Variants in CDH13 observed in about 807,000 individuals in gnomAD.
The protein encoded by CDH13 is cadherin 13.
In CDH13, 24 loss-of-function variants were observed where a neutral mutation model predicts 63.8. The ratio of observed to expected loss-of-function variants is 0.38; its 90% CI spans 0.27 to 0.53. CDH13 has a LOEUF of 0.53. CDH13 is among the 20% of genes least tolerant of loss of function. CDH13 has a pLI of 0.85. For missense variants in CDH13, 1,049 were observed against 903.1 expected, an observed-to-expected ratio of 1.16 and a Z score of -2.07; for synonymous variants, 503 against 355.3, an observed-to-expected ratio of 1.42 and a Z score of -4.67.
intron 4 of CDH13, among the ~76,000 whole-genome samples, chr16:83,135,600 A>C (rs947685086): frequency 6.6e-6 from 1 of 152,202 alleles, no homozygotes; most frequent in Admixed American, 6.5e-5. Context: ...TTAAGCCACT[A>C]TGGAAAACAG....
intron 5 of CDH13, among the ~76,000 whole-genome samples, chr16:83,343,706 A>G (rs1012524942): frequency 6.6e-6 from 1 of 152,186 alleles, no homozygotes; most frequent in Admixed American, 6.5e-5. Flanking sequence ...TATTCTTGAG[A>G]CATATTATAT....
At chr16:83,662,738 C>T (rs1913555016) in intron 8 of CDH13, among the ~76,000 whole-genome samples, 1 of 152,168 alleles carries the variant, frequency 6.6e-6, no homozygotes, top group Non-Finnish European at 1.5e-5. Context: ...GACCACTCAC[C>T]TGATGAGATC....
chr16:83,063,287 G>C (rs1366032027), intron 3 of CDH13, among the ~76,000 whole-genome samples: 1 of 152,114 alleles, frequency 6.6e-6, no homozygotes, highest in Non-Finnish European at 1.5e-5. Context: ...AAAGGGAGCA[G>C]GTCAACCATA....
intron 10 of CDH13, among the ~76,000 whole-genome samples, chr16:83,691,562 C>T (rs1051947279): frequency 3.3e-5 from 5 of 152,164 alleles, no homozygotes; most frequent in South Asian, 4.2e-4. Flanking sequence ...GGCTCACACC[C>T]ACCTGGCACT....
At chr16:83,510,195 G>T (rs1000283622) in intron 7 of CDH13, among the ~76,000 whole-genome samples, 1 of 152,114 alleles carries the variant, frequency 6.6e-6, no homozygotes, top group Non-Finnish European at 1.5e-5. Flanking sequence ...TATTATTTTC[G>T]AGTGGATAAA....
intron 2 of CDH13, among the ~76,000 whole-genome samples, chr16:82,898,414 A>G (rs1180829197): frequency 6.6e-6 from 1 of 152,172 alleles, no homozygotes. Context: ...AATTCCGGCT[A>G]CTCAGGAGGT....
intron 2 of CDH13, among the ~76,000 whole-genome samples, chr16:82,866,166 C>T (rs1438364915): frequency 3.3e-5 from 5 of 152,080 alleles, no homozygotes; most frequent in Non-Finnish European, 7.4e-5. Flanking sequence ...TTACTATCAG[C>T]ATTTTGGTCA....
chr16:82,849,252 C>T (rs2039385920), intron 1 of CDH13, among the ~76,000 whole-genome samples: 1 of 152,130 alleles, frequency 6.6e-6, no homozygotes, highest in African/African-American at 2.4e-5. Context: ...ACCTGTGATT[C>T]CAGCACTTTC....
At chr16:83,676,544 A>G (rs988689063) in intron 9 of CDH13, among the ~76,000 whole-genome samples, 2 of 152,242 alleles carry the variant, frequency 1.3e-5, no homozygotes, top group Non-Finnish European at 2.9e-5. Flanking sequence ...ATGGACAGAG[A>G]TCCATTATTA....
At chr16:83,490,595 A>G (rs565051931) in intron 7 of CDH13, among the ~76,000 whole-genome samples, 4 of 152,318 alleles carry the variant, frequency 2.6e-5, no homozygotes, top group South Asian at 4.1e-4. Context: ...TGCACTCACC[A>G]TAGTCAATGC....
At chr16:82,681,107 T>C (rs967266309) in intron 1 of CDH13, among the ~76,000 whole-genome samples, 2 of 152,222 alleles carry the variant, frequency 1.3e-5, no homozygotes, top group Admixed American at 6.5e-5. Context: ...TGCAAAAAGA[T>C]ATTCTTGGGA....
chr16:82,908,106 C>T (rs1428567357), intron 2 of CDH13, among the ~76,000 whole-genome samples: 2 of 151,874 alleles, frequency 1.3e-5, no homozygotes, highest in Admixed American at 1.3e-4. Context: ...TATCCTTAAC[C>T]TAGAGAAGAA....
chr16:82,723,345 T>C (rs962243403), intron 1 of CDH13, among the ~76,000 whole-genome samples: 1 of 152,198 alleles, frequency 6.6e-6, no homozygotes, highest in African/African-American at 2.4e-5. Context: ...TTATTGAACC[T>C]TTTTGTGGGG....
chr16:83,779,300 G>T, intron 11 of CDH13, among the ~76,000 whole-genome samples: 1 of 150,464 alleles, frequency 6.6e-6, no homozygotes. Flanking sequence ...CCAGCTACTC[G>T]GGAGGCTGAG....
chr16:83,074,169 A>G (rs1358726838), intron 3 of CDH13, among the ~76,000 whole-genome samples: 2 of 152,136 alleles, frequency 1.3e-5, no homozygotes, highest in South Asian at 4.1e-4. Flanking sequence ...CATCCTTCCC[A>G]GCCTCTGGTA....
chr16:83,688,743 T>A (rs1348313573), intron 10 of CDH13, among the ~76,000 whole-genome samples: 1 of 152,198 alleles, frequency 6.6e-6, no homozygotes, highest in Non-Finnish European at 1.5e-5. Context: ...CCATTGTAAG[T>A]TTATGGTAGC....
At chr16:83,615,166 G>A (rs935538074) in intron 8 of CDH13, among the ~76,000 whole-genome samples, 4 of 152,068 alleles carry the variant, frequency 2.6e-5, no homozygotes, top group Non-Finnish European at 5.9e-5. Context: ...CCAGGATTCC[G>A]TGCAATATAT....
intron 1 of CDH13, among the ~76,000 whole-genome samples, chr16:82,741,016 A>G (rs2033902083): frequency 6.6e-6 from 1 of 152,134 alleles, no homozygotes; most frequent in Non-Finnish European, 1.5e-5. Context: ...ACCCAAGCTA[A>G]AAGTATTTTA....
chr16:83,272,857 G>A (rs2088867574), intron 5 of CDH13, among the ~76,000 whole-genome samples: 1 of 152,188 alleles, frequency 6.6e-6, no homozygotes, highest in South Asian at 2.1e-4. Context: ...AGATCAGTCA[G>A]CCCTGTGGGG....
Sources: allele counts gnomAD v4.1 joint callset (sites outside exome capture counted in the v4.1 genomes callset), GRCh38; gene constraint gnomAD v4.1.1; transcripts MANE v1.5; gene names NCBI Gene and HGNC (gene_info 2026-07-23, HGNC 2026-07-21).